Variants in FEM1A observed in about 807,000 individuals in gnomAD.
The protein encoded by FEM1A is protein fem-1 homolog A.
Under a neutral mutation model 0.7 loss-of-function variants are expected in FEM1A, and 1 was observed. The observed-to-expected ratio is 1.35, with a 90% CI of 0.48 to 6.40. FEM1A has a LOEUF of 6.40. Ranked by LOEUF, FEM1A falls within the 30% of genes most tolerant of loss-of-function variation. FEM1A has a pLI of 0.14. For missense variants in FEM1A, 721 were observed against 918.7 expected, an observed-to-expected ratio of 0.78 and a Z score of 2.78; for synonymous variants, 391 against 420.6, an observed-to-expected ratio of 0.93 and a Z score of 0.86.
chr19:4,793,351 CCACCTG>C lies in FEM1A; in HGVS notation c.1499_1504del (p.His500_Leu501del). On this transcript the variant is annotated inframe_deletion, in exon 1 of 1. Transcript: ENST00000269856. The surrounding 1 kb of genome is among the most constrained non-coding windows in gnomAD (Gnocchi z 5.1). ...TCACCAAGGCGCTGGCCATCATCCTCCACCTGCTCTACCTGCTGGAGAAAGTGGAGT... is the reference window on the plus strand; with the variant it reads ...TCACCAAGGCGCTGGCCATCATCCTCCTCTACCTGCTGGAGAAAGTGGAGT... The C allele has an allele frequency of 1.2e-6, 2 of 1,612,512 alleles. No individual in the cohort carries two copies. The highest frequency in any genetic ancestry group is 1.7e-6 in the Non-Finnish European group (2 of 1,179,854).
rs2093564511 is a variant in FEM1A at position 4,798,619 on chromosome 19, A to C, written c.*4755A>C. The C allele has an allele frequency of 2.0e-5, 3 of 152,378 alleles. No individual in the cohort carries two copies. The highest frequency in any genetic ancestry group is 2.0e-4 in the Admixed American group (3 of 15,262). 9.4% of individuals were successfully genotyped at this position (152,378 alleles called of 1,614,324 possible). A position where few individuals can be genotyped will look rare whatever the true frequency, so the allele number is the denominator to read the frequency against. On this transcript the variant is annotated 3_prime_UTR_variant, in exon 1 of 1. Transcript: ENST00000269856. ...AGCACAAGACTCCATCTCAAAAAAA[A>C]AAAAAAGAAAGAAAAATGCCTAAGG...
rs200245704 is a variant in FEM1A at position 4,792,713 on chromosome 19, G to T, written c.859G>T (p.Glu287Ter). The T allele has an allele frequency of 1.2e-5, 19 of 1,612,064 alleles. No individual in the cohort carries two copies. The East Asian group carries it at 2.9e-4, about 25-fold the overall frequency. ...PEEPLNGESY[E>*]SCCPTSREAA... ...GGAACCACTGAACGGGGAATCTTACGAAAGCTGCTGTCCCACCAGCCGGGA... is the reference window on the plus strand; with the variant it reads ...GGAACCACTGAACGGGGAATCTTACTAAAGCTGCTGTCCCACCAGCCGGGA... Residue 287 changes from glutamate to a stop codon, truncating the protein, a stop_gained, in exon 1 of 1, where the codon GAA (glutamate) becomes TAA (stop). Transcript: ENST00000269856. LOFTEE classifies it low-confidence loss of function (END_TRUNC). This position sits in a 1 kb window ranked among gnomAD's most constrained non-coding sequence, Gnocchi z 6.7.
rs958426923 is a variant in FEM1A at position 4,800,368 on chromosome 19, A to T, written c.*6504A>T. 4 of 152,406 alleles carry T rather than the reference A, an allele frequency of 2.6e-5. No homozygotes were observed. Among genetic ancestry groups the T allele is most frequent in the African/African-American group, 9.6e-5 (4 of 41,460 alleles). 9.4% of individuals were successfully genotyped at this position (152,406 alleles called of 1,614,324 possible). On this transcript the variant is annotated 3_prime_UTR_variant, in exon 1 of 1. Coordinates refer to ENST00000269856, the MANE Select transcript of FEM1A (RefSeq NM_018708.3). Reference sequence around the variant, plus strand: ...GAAGGTGTCGAGAGCCAGGCAGCCAAGCCTGACCTGGGAGATGGGGAAGTG... The same window carrying T: ...GAAGGTGTCGAGAGCCAGGCAGCCATGCCTGACCTGGGAGATGGGGAAGTG...
At position 4,795,917 on chromosome 19, in the gene FEM1A, A is replaced by G. The variant is rs1483932048; in HGVS notation, c.*2053A>G. ...TGCCATGTTGGCCAGGCTGGTCTCA[A>G]ACTCCTGAACTCAAGCGATCCTCCC... On this transcript the variant is annotated 3_prime_UTR_variant, in exon 1 of 1. Transcript: ENST00000269856. The G allele has an allele frequency of 6.6e-6, 1 of 151,968 alleles. No individual in the cohort carries two copies. The highest frequency in any genetic ancestry group is 1.5e-5 in the Non-Finnish European group (1 of 68,062). The allele number at this position is 151,968 out of a possible 1,614,324, so 9.4% of individuals were successfully genotyped here. A position where few individuals can be genotyped will look rare whatever the true frequency, so the allele number is the denominator to read the frequency against.
rs778440508 is a variant in FEM1A, at chr19:4,792,299, C to T, written c.445C>T (p.His149Tyr). ...GGCCGACCTGGAGGTGGCCAACCGG[C>T]ACGGCCACACGTGCCTCATGATCTC... Reference protein sequence around the residue: ...HQADLEVANRHGHTCLMISCY... With the variant: ...HQADLEVANRYGHTCLMISCY... The change falls in exon 1 of 1, where the codon CAC (histidine) becomes TAC (tyrosine). Residue 149 changes from histidine (H) to tyrosine (Y), a missense_variant. His to Tyr is a moderately conservative substitution (Grantham distance 83). Coordinates refer to ENST00000269856, the MANE Select transcript of FEM1A (RefSeq NM_018708.3). This position sits in a 1 kb window ranked among gnomAD's most constrained non-coding sequence, Gnocchi z 6.7. The T allele has an allele frequency of 1.3e-6, 2 of 1,577,180 alleles. No homozygotes were observed. Among genetic ancestry groups the T allele is most frequent in the Admixed American group, 3.4e-5 (2 of 58,402 alleles).
chr19:4,800,748 G>A lies in FEM1A; in HGVS notation c.*6884G>A, dbSNP rs1424281734. ...CCATGGAATTGCAGGACTGTTATCTGAGCAACGTCGACGGGGGAGAACACC... is the reference window on the plus strand; with the variant it reads ...CCATGGAATTGCAGGACTGTTATCTAAGCAACGTCGACGGGGGAGAACACC... On this transcript the variant is annotated 3_prime_UTR_variant, in exon 1 of 1. Coordinates refer to ENST00000269856, the MANE Select transcript of FEM1A (RefSeq NM_018708.3). 1 of 152,302 alleles carries A rather than the reference G, an allele frequency of 6.6e-6. No individual in the cohort carries two copies. 9.4% of individuals were successfully genotyped at this position (152,302 alleles called of 1,614,324 possible). A position where few individuals can be genotyped will look rare whatever the true frequency, so the allele number is the denominator to read the frequency against.
Position 4,792,567 on chromosome 19 carries a change from A to T in FEM1A, c.713A>T (p.Gln238Leu), listed in dbSNP as rs2093555742. 6.2e-7 allele frequency: 1 copy of T among 1,607,204 alleles called. No individual in the cohort carries two copies. Among genetic ancestry groups the T allele is most frequent in the African/African-American group, 1.3e-5 (1 of 75,006 alleles). Residue 238 changes from glutamine (Q) to leucine (L), a missense_variant, in exon 1 of 1, where the codon CAG (glutamine) becomes CTG (leucine). Gln to Leu is a moderately radical substitution (Grantham distance 113). Around this residue, in one of 4 missense-constraint regions of FEM1A, gnomAD observed 137 missense variants for 121.7 expected, o/e 1.13. Transcript: ENST00000269856. The surrounding 1 kb of genome is among the most constrained non-coding windows in gnomAD (Gnocchi z 6.7). ...ATCGTGGAGTACCTCATCCAGGAGC[A>T]GCCCGGCCAGGAGCAGGTCGCAGGG... ...TNIVEYLIQE[Q>L]PGQEQVAGGE...
chr19:4,796,816 G>A lies in FEM1A; in HGVS notation c.*2952G>A, dbSNP rs1172270833. 6.6e-6 allele frequency: 1 copy of A among 152,356 alleles called. No homozygotes were observed. The highest frequency in any genetic ancestry group is 1.5e-5 in the Non-Finnish European group (1 of 68,164). The allele number at this position is 152,356 out of a possible 1,614,324, so 9.4% of individuals were successfully genotyped here. On this transcript the variant is annotated 3_prime_UTR_variant, in exon 1 of 1. Transcript: ENST00000269856. ...GGGTTGGAGGGCTCTTCTCCCGAGG[G>A]TGGGTGTCTCCCATCTCTTGCCTTC... is the stretch of plus-strand genomic sequence containing the variant.
In FEM1A at chr19:4,792,486, G is replaced by T. The variant is rs1276620263; in HGVS notation, c.632G>T (p.Arg211Leu). The T allele has an allele frequency of 6.3e-7, 1 of 1,597,654 alleles. No homozygotes were observed. Among genetic ancestry groups the T allele is most frequent in the South Asian group, 1.1e-5 (1 of 91,002 alleles). Reference protein sequence around the residue: ...LLLGCKARMERDGYGMTPLLA... With the variant: ...LLLGCKARMELDGYGMTPLLA... Reference sequence around the variant, plus strand: ...CTGGGGTGCAAGGCCCGCATGGAACGTGACGGCTACGGCATGACCCCGCTG... The same window carrying T: ...CTGGGGTGCAAGGCCCGCATGGAACTTGACGGCTACGGCATGACCCCGCTG... The change falls in exon 1 of 1, where the codon CGT (arginine) becomes CTT (leucine). Residue 211 changes from arginine (R) to leucine (L), a missense_variant. Arg to Leu is a moderately radical substitution (Grantham distance 102). Coordinates refer to ENST00000269856, the MANE Select transcript of FEM1A (RefSeq NM_018708.3). This position sits in a 1 kb window ranked among gnomAD's most constrained non-coding sequence, Gnocchi z 6.7.
Position 4,792,864 on chromosome 19 carries a change from C to T in FEM1A, c.1010C>T (p.Pro337Leu). The T allele has an allele frequency of 1.2e-6, 2 of 1,612,224 alleles. No individual in the cohort carries two copies. Among genetic ancestry groups the T allele is most frequent in the Non-Finnish European group, 8.5e-7 (1 of 1,180,000 alleles). ...CGTCACCAGGGGGGCGAGTACCTGC[C>T]CAAACCGGAGCCCCCACAGCTGGTC... The part of the protein sequence containing the change: ...ELRHQGGEYL[P>L]KPEPPQLVLA... Residue 337 changes from proline (P) to leucine (L), a missense_variant, in exon 1 of 1, where the codon CCC becomes CTC. Around this residue, in one of 4 missense-constraint regions of FEM1A, gnomAD observed 379 missense variants for 454.8 expected, o/e 0.83. Transcript: ENST00000269856. This position sits in a 1 kb window ranked among gnomAD's most constrained non-coding sequence, Gnocchi z 6.7.
Position 4,794,047 on chromosome 19 carries a change from A to G in FEM1A, c.*183A>G. ...GTGTTAGCGAGCCTTTGGTGCTAGA[A>G]GCCTGCGGGGTCATGTGCTAAGAGG... On this transcript the variant is annotated 3_prime_UTR_variant, in exon 1 of 1. Transcript: ENST00000269856. The G allele has an allele frequency of 1.6e-6, 1 of 642,996 alleles. No homozygotes were observed. Among genetic ancestry groups the G allele is most frequent in the Non-Finnish European group, 2.7e-6 (1 of 365,624 alleles). 39.8% of individuals were successfully genotyped at this position (642,996 alleles called of 1,614,324 possible). A position where few individuals can be genotyped will look rare whatever the true frequency, so the allele number is the denominator to read the frequency against.
At position 4,794,087 on chromosome 19, in the gene FEM1A, G is replaced by A. The variant is rs2093558203; in HGVS notation, c.*223G>A. On this transcript the variant is annotated 3_prime_UTR_variant, in exon 1 of 1. Transcript: ENST00000269856. ...GTGCTAAGAGGACAGTCTTTCTCCG[G>A]GAGCCCGCTCACTCATTCTGAGTTA... is the stretch of plus-strand genomic sequence containing the variant. The A allele has an allele frequency of 1.8e-6, 1 of 562,338 alleles. No homozygotes were observed. The allele number at this position is 562,338 out of a possible 1,614,324, so 34.8% of individuals were successfully genotyped here. A position where few individuals can be genotyped will look rare whatever the true frequency, so the allele number is the denominator to read the frequency against.
At position 4,795,444 on chromosome 19, in the gene FEM1A, C is replaced by G. The variant is rs1041396621; in HGVS notation, c.*1580C>G. The G allele has an allele frequency of 1.8e-5, 3 of 165,972 alleles. No individual in the cohort carries two copies. The highest frequency in any genetic ancestry group is 7.3e-5 in the African/African-American group (3 of 41,042). 10.3% of individuals were successfully genotyped at this position (165,972 alleles called of 1,614,324 possible). A position where few individuals can be genotyped will look rare whatever the true frequency, so the allele number is the denominator to read the frequency against. On this transcript the variant is annotated 3_prime_UTR_variant, in exon 1 of 1. Transcript: ENST00000269856. ...TTTACAAGACAGGTTTTAACTCAGC[C>G]GAGGTGGGAAATGGTGTCCCTGTCC...
chr19:4,792,645 G>C lies in FEM1A; in HGVS notation c.791G>C (p.Cys264Ser). ...GAAGACCCCTCCACCAGCCAGGGGT[G>C]TGCGCAGCCTCAGGGGGCTCCGTGC... is the stretch of plus-strand genomic sequence containing the variant. Reference protein sequence around the residue: ...PQEDPSTSQGCAQPQGAPCCS... With the variant: ...PQEDPSTSQGSAQPQGAPCCS... The change falls in exon 1 of 1, where the codon TGT becomes TCT. Residue 264 changes from cysteine (C) to serine (S), a missense_variant. Cys to Ser is a moderately radical substitution (Grantham distance 112). Coordinates refer to ENST00000269856, the MANE Select transcript of FEM1A (RefSeq NM_018708.3). This position sits in a 1 kb window ranked among gnomAD's most constrained non-coding sequence, Gnocchi z 6.7. 6.2e-7 allele frequency: 1 copy of C among 1,612,058 alleles called. No homozygotes were observed. The highest frequency in any genetic ancestry group is 8.5e-7 in the Non-Finnish European group (1 of 1,179,826).
rs773366758 is a variant in FEM1A, at chr19:4,792,179, G to A, written c.325G>A (p.Val109Met). ...GAGCCTGCTGCGCCGCGGGGCCTCG[G>A]TGAACCGCACCACGCGCACCAACTC... ...VRSLLRRGAS[V>M]NRTTRTNSTP... The change falls in exon 1 of 1, where the codon GTG (valine) becomes ATG (methionine). Residue 109 changes from valine to methionine, a missense_variant. This residue lies in a region of FEM1A where 195 missense variants were observed against 316.9 expected (regional missense o/e 0.62). Transcript: ENST00000269856. The surrounding 1 kb of genome is among the most constrained non-coding windows in gnomAD (Gnocchi z 6.7). 2 of 1,507,624 alleles carry A rather than the reference G, an allele frequency of 1.3e-6. No homozygotes were observed. Among genetic ancestry groups the A allele is most frequent in the South Asian group, 1.2e-5 (1 of 81,538 alleles). 93.4% of individuals were successfully genotyped at this position (1,507,624 alleles called of 1,614,324 possible).
chr19:4,791,950 C>T lies in FEM1A; in HGVS notation c.96C>T (p.Asp32=), dbSNP rs776942638. 6 of 1,531,656 alleles carry T rather than the reference C, an allele frequency of 3.9e-6. No homozygotes were observed. The highest frequency in any genetic ancestry group is 3.6e-5 in the South Asian group (3 of 83,642). The allele number at this position is 1,531,656 out of a possible 1,614,324, so 94.9% of individuals were successfully genotyped here. A position where few individuals can be genotyped will look rare whatever the true frequency, so the allele number is the denominator to read the frequency against. The change falls in exon 1 of 1, where the codon GAC becomes GAT. Residue 32 remains aspartate (D), a synonymous_variant. Transcript: ENST00000269856. ...LLSGRSREEL[D]ELTGEVAGGG... ...GCGGCCGGAGCCGGGAGGAACTGGA[C>T]GAGCTGACGGGCGAGGTGGCCGGCG...
rs1168875828 is a variant in FEM1A at position 4,795,883 on chromosome 19, G to A, written c.*2019G>A. ...AGCTAATTTTTGTATTTTCTGTAGA[G>A]GCAGGTTTTGCCATGTTGGCCAGGC... On this transcript the variant is annotated 3_prime_UTR_variant, in exon 1 of 1. Coordinates refer to ENST00000269856, the MANE Select transcript of FEM1A (RefSeq NM_018708.3). 1 of 152,062 alleles carries A rather than the reference G, an allele frequency of 6.6e-6. No homozygotes were observed. Among genetic ancestry groups the A allele is most frequent in the African/African-American group, 2.4e-5 (1 of 41,386 alleles). The allele number at this position is 152,062 out of a possible 1,614,324, so 9.4% of individuals were successfully genotyped here. A position where few individuals can be genotyped will look rare whatever the true frequency, so the allele number is the denominator to read the frequency against.
rs1800306652 is a variant in FEM1A at position 4,795,327 on chromosome 19, G to A, written c.*1463G>A. The A allele has an allele frequency of 6.0e-6, 1 of 166,866 alleles. No homozygotes were observed. Among genetic ancestry groups the A allele is most frequent in the African/African-American group, 2.4e-5 (1 of 41,366 alleles). 10.3% of individuals were successfully genotyped at this position (166,866 alleles called of 1,614,324 possible). On this transcript the variant is annotated 3_prime_UTR_variant, in exon 1 of 1. Coordinates refer to ENST00000269856, the MANE Select transcript of FEM1A (RefSeq NM_018708.3). Reference sequence around the variant, plus strand: ...CAGGCCCTTAGGAGGAGCAGTGACCGGGGGTGTCCAGAAATATCCTGTCCC... The same window carrying A: ...CAGGCCCTTAGGAGGAGCAGTGACCAGGGGTGTCCAGAAATATCCTGTCCC...
Position 4,798,211 on chromosome 19 carries a change from C to T in FEM1A, c.*4347C>T, listed in dbSNP as rs4488586. The T allele has an allele frequency of 0.58, 87,375 of 149,702 alleles. 25,350 individuals are homozygous for T. The highest frequency in any genetic ancestry group is 0.67 in the East Asian group (3,329 of 4,994). The allele number at this position is 149,702 out of a possible 1,614,324, so 9.3% of individuals were successfully genotyped here. A position where few individuals can be genotyped will look rare whatever the true frequency, so the allele number is the denominator to read the frequency against. ...TCGCACCACTGCACTCCAGCCTGGG[C>T]GACAGAGCGAGACTCCGTCTCAAAA... is the stretch of plus-strand genomic sequence containing the variant. On this transcript the variant is annotated 3_prime_UTR_variant, in exon 1 of 1. Transcript: ENST00000269856.
Sources: gnomAD v4.1 joint callset for allele counts on GRCh38, gnomAD v4.1.1 for gene constraint, gnomAD v4.1.1 regional missense constraint, Gnocchi (gnomAD v3.1) non-coding constraint, MANE v1.5 for transcripts, NCBI Gene and HGNC (gene_info 2026-07-23, HGNC 2026-07-21) for gene names.